The following MATN2 variants were observed in gnomAD, a reference collection of about 807,000 sequenced individuals.
MATN2 encodes the protein matrilin 2, also known as matrilin-2.
A neutral mutation model predicts 103.2 loss-of-function variants in MATN2; 69 were observed. The observed-to-expected ratio is 0.67, with a 90% confidence interval of 0.55 to 0.82. MATN2 has a LOEUF of 0.82. MATN2 is among the 40% of genes least tolerant of loss of function. MATN2 has a pLI of 0.00. For missense variants in MATN2, 1,023 were observed against 1,211.5 expected, an observed-to-expected ratio of 0.84 and a Z score of 2.31; for synonymous variants, 429 against 450.2, an observed-to-expected ratio of 0.95 and a Z score of 0.60.
chr8:97,913,615 ATTTTT>A (rs34387422), intron 2 of MATN2, among the ~76,000 whole-genome samples: 1 of 121,796 alleles, frequency 8.2e-6, no homozygotes, highest in African/African-American at 3.1e-5. Flanking sequence ...GCACCCTGCC[ATTTTT>A]TTTTTTTTTT....
At chr8:97,949,334 AT>A (rs796135174) in intron 4 of MATN2, among the ~76,000 whole-genome samples, 19 of 149,196 alleles carry the variant, frequency 1.3e-4, no homozygotes, top group African/African-American at 3.2e-4. Flanking sequence ...AGCCTGGCTA[AT>A]TTTTTTTTTG....
At chr8:97,970,952 A>T (rs1000166130) in intron 5 of MATN2, among the ~76,000 whole-genome samples, 8 of 152,170 alleles carry the variant, frequency 5.3e-5, no homozygotes, top group Non-Finnish European at 1.2e-4. Context: ...AGAATAAAAT[A>T]AAATAAATAA....
At chr8:97,879,006 A>T (rs1244610672) in intron 1 of MATN2, among the ~76,000 whole-genome samples, 1 of 152,244 alleles carries the variant, frequency 6.6e-6, no homozygotes, top group Admixed American at 6.5e-5. Flanking sequence ...TTTGTTAATT[A>T]ATGAAAGATC....
intron 2 of MATN2, among the ~76,000 whole-genome samples, chr8:97,895,834 G>T (rs563429808): frequency 1.3e-5 from 2 of 152,312 alleles, no homozygotes; most frequent in African/African-American, 4.8e-5. Flanking sequence ...CTGAGGCTCA[G>T]ATAGGTTAAG....
chr8:98,016,847 T>C (rs1813381148), intron 11 of MATN2, among the ~76,000 whole-genome samples, 185 bp downstream of exon 11: 1 of 152,158 alleles, frequency 6.6e-6, no homozygotes, highest in Non-Finnish European at 1.5e-5. Context: ...TAAATGTCAA[T>C]AAAATATAGA....
intron 3 of MATN2, among the ~76,000 whole-genome samples, chr8:97,939,686 G>A (rs1396998802): frequency 1.3e-5 from 2 of 152,194 alleles, no homozygotes; most frequent in African/African-American, 4.8e-5. Flanking sequence ...TTTAAATTGA[G>A]TGCTCATGCA....
At position 97,888,163 on chromosome 8, in the gene MATN2, C is replaced by T. The variant is rs766263568; in HGVS notation, c.63C>T (p.Ala21=). The change falls in exon 2 of 19, where the codon GCC becomes GCT. Residue 21 remains alanine, a synonymous_variant. Coordinates refer to ENST00000254898, the MANE Select transcript of MATN2 (RefSeq NM_002380.5). The part of the protein sequence containing the change: ...LILGQIVLLP[A]EARERSRGRS... ...TCGGACAGATCGTCCTCCTCCCTGC[C>T]GAGGCCAGGGAGCGGTCACGTGGGA... The T allele has an allele frequency of 7.5e-6, 12 of 1,609,190 alleles. No homozygotes were observed. Among genetic ancestry groups the T allele is most frequent in the Middle Eastern group, 1.7e-4 (1 of 6,052 alleles).
intron 5 of MATN2, among the ~76,000 whole-genome samples, chr8:97,978,279 C>T (rs950029979): frequency 9.9e-5 from 15 of 152,282 alleles, no homozygotes; most frequent in African/African-American, 3.4e-4. Context: ...TTGTGGAACA[C>T]AGGAACACAT....
At chr8:97,966,394 A>G (rs907887296) in intron 5 of MATN2, among the ~76,000 whole-genome samples, 2 of 151,774 alleles carry the variant, frequency 1.3e-5, no homozygotes, top group African/African-American at 4.8e-5. Context: ...TATATCTACA[A>G]AAAAATTAAG....
In MATN2 at chr8:98,007,454, G is replaced by A; in HGVS notation, c.1451-25G>A. ...TCGCCCAGAGGTCTCACTGATAAAG[G>A]GCTGCCTGGCTTTTGGTTTTGCAGG... On this transcript the variant is annotated intron_variant, in intron 9 of 18. Coordinates refer to ENST00000254898, the MANE Select transcript of MATN2 (RefSeq NM_002380.5). The surrounding 1 kb of genome is among the most constrained non-coding windows in gnomAD (Gnocchi z 4.2). 6.2e-7 allele frequency: 1 copy of A among 1,604,742 alleles called. No individual in the cohort carries two copies. The highest frequency in any genetic ancestry group is 1.1e-5 in the South Asian group (1 of 90,798).
chr8:98,027,934 G>C, intron 14 of MATN2, 105 bp downstream of exon 14: 1 of 1,195,610 alleles, frequency 8.4e-7, no homozygotes, highest in Non-Finnish European at 1.1e-6. Flanking sequence ...TGAGTGTACA[G>C]AAAGGCCTCC....
chr8:98,023,447 G>A (rs1019176054), intron 13 of MATN2, among the ~76,000 whole-genome samples: 3 of 152,240 alleles, frequency 2.0e-5, no homozygotes, highest in Non-Finnish European at 4.4e-5. Context: ...GTGGTGGGAG[G>A]ATTGCTTGAG....
chr8:98,021,503 G>A (rs759780819), intron 13 of MATN2, among the ~76,000 whole-genome samples, 176 bp downstream of exon 13: 40 of 152,248 alleles, frequency 2.6e-4, no homozygotes, highest in Middle Eastern at 3.4e-3. Flanking sequence ...AAACACTTTC[G>A]GTTTTAATTG....
At position 97,883,820 on chromosome 8, in the gene MATN2, C is replaced by G. The variant is rs189945906; in HGVS notation, c.-26-4255C>G. Among the ~76,000 whole-genome samples the G allele has an allele frequency of 3.0e-3, 464 of 152,236 alleles. 4 individuals are homozygous for G. Among genetic ancestry groups the G allele is most frequent in the Non-Finnish European group, 5.1e-3 (344 of 68,022 alleles). On this transcript the variant is annotated intron_variant, in intron 1 of 18. Coordinates refer to ENST00000254898, the MANE Select transcript of MATN2 (RefSeq NM_002380.5). ...CTGCCCACCTCAGCTTCCCAAAGTG[C>G]TGGGATTACAGGCGTGAGCCACTGT...
At position 98,007,581 on chromosome 8, in the gene MATN2, GCGATGGGAAGA is replaced by G. The variant is rs746391517; in HGVS notation, c.1556_1566del (p.Asp519ValfsTer15). ...TGTCCTGAGGGACACGTGCTCCGCAGCGATGGGAAGACGTGTGCAAGTAAGTGTCTGAAGGA... is the reference window on the plus strand; with the variant it reads ...TGTCCTGAGGGACACGTGCTCCGCAGCGTGTGCAAGTAAGTGTCTGAAGGA... On this transcript the variant is annotated frameshift_variant, in exon 10 of 19. Transcript: ENST00000254898. LOFTEE classifies it high-confidence loss of function. This position sits in a 1 kb window ranked among gnomAD's most constrained non-coding sequence, Gnocchi z 4.2. 1.1e-5 allele frequency: 17 copies of G among 1,612,124 alleles called. No individual in the cohort carries two copies. Among genetic ancestry groups the G allele is most frequent in the Non-Finnish European group, 1.4e-5 (17 of 1,178,412 alleles).
At chr8:98,034,092 G>A (rs1814146109) in intron 18 of MATN2, 1 of 437,514 alleles carries the variant, frequency 2.3e-6, no homozygotes, top group Non-Finnish European at 4.6e-6. Flanking sequence ...TTAGCCCCAA[G>A]GAACACCACA....
At chr8:97,984,867 A>G (rs1210359579) in intron 6 of MATN2, among the ~76,000 whole-genome samples, 2 of 152,228 alleles carry the variant, frequency 1.3e-5, no homozygotes, top group African/African-American at 4.8e-5. Context: ...GGAGCAGGAT[A>G]AGAGAATACT....
intron 1 of MATN2, among the ~76,000 whole-genome samples, chr8:97,876,649 T>C (rs919401167): frequency 1.3e-5 from 2 of 152,160 alleles, no homozygotes; most frequent in African/African-American, 4.8e-5. Flanking sequence ...GACGTATACA[T>C]ACAAAAAAGT....
Position 98,030,484 on chromosome 8 carries a change from G to C in MATN2, c.2379G>C (p.Gly793=). ...TAGGTATCACTATGTATGCTGTTGGGGTAGGAAAAGCCATTGAGGAGGAAC... is the reference window on the plus strand; with the variant it reads ...TAGGTATCACTATGTATGCTGTTGGCGTAGGAAAAGCCATTGAGGAGGAAC... The part of the protein sequence containing the change: ...KANGITMYAV[G]VGKAIEEELQ... The change falls in exon 15 of 19, where the codon GGG becomes GGC. Residue 793 remains glycine (G), a synonymous_variant. Transcript: ENST00000254898. 1 of 1,613,658 alleles carries C rather than the reference G, an allele frequency of 6.2e-7. No individual in the cohort carries two copies. The highest frequency in any genetic ancestry group is 8.5e-7 in the Non-Finnish European group (1 of 1,179,764).
Sources: gnomAD v4.1 joint callset for allele counts (sites outside exome capture counted in the v4.1 genomes callset) on GRCh38, gnomAD v4.1.1 for gene constraint, Gnocchi (gnomAD v3.1) non-coding constraint, MANE v1.5 for transcripts, NCBI Gene and HGNC (gene_info 2026-07-23, HGNC 2026-07-21) for gene names.